CSNK1G2: variants seen among roughly 807,000 people sequenced by gnomAD.
The protein encoded by CSNK1G2 is casein kinase I isoform gamma-2.
Under a neutral mutation model 48.0 loss-of-function variants are expected in CSNK1G2, and 11 were observed. That is an observed-to-expected ratio of 0.23 (90% CI 0.14 to 0.38). The LOEUF (loss-of-function observed/expected upper bound fraction) is 0.38. CSNK1G2 is among the 10% of genes least tolerant of loss of function. The probability of loss-of-function intolerance (pLI) is 1.00; values close to 1 mark genes in which losing one functional copy is unlikely to be tolerated. For missense variants in CSNK1G2, 446 were observed against 595.5 expected, an observed-to-expected ratio of 0.75 and a Z score of 2.61; for synonymous variants, 337 against 254.1, an observed-to-expected ratio of 1.33 and a Z score of -3.10.
At chr19:1,975,618 A>T in intron 2 of CSNK1G2, 1 of 985,374 alleles carries the variant, frequency 1.0e-6, no homozygotes, top group Non-Finnish European at 1.2e-6. Flanking sequence ...TCCACTGTGA[A>T]TCCCACCTCC....
intron 1 of CSNK1G2, chr19:1,952,840 C>T (rs773773464): frequency 5.7e-6 from 2 of 350,962 alleles, no homozygotes; most frequent in East Asian, 1.2e-4. Flanking sequence ...TAGGCCGAAC[C>T]CTGCTGTGCC....
intron 2 of CSNK1G2, among the ~76,000 whole-genome samples, chr19:1,970,463 C>T (rs1040130378): frequency 6.6e-6 from 1 of 152,244 alleles, no homozygotes; most frequent in Non-Finnish European, 1.5e-5. Context: ...CACCTGGCTC[C>T]GTCCCTTCTG....
chr19:1,974,752 C>T (rs1450813009), intron 2 of CSNK1G2: 1 of 152,246 alleles, frequency 6.6e-6, no homozygotes, highest in Non-Finnish European at 1.5e-5. Context: ...GCCAGGGAGC[C>T]CTGTGCCAAG....
rs981426632 is a variant in CSNK1G2, at chr19:1,981,002, C to CCGCGTGGGG, written c.*808_*816dup. ...TCACCCTGCTCGGCCCTCAGCCCTG[C>CCGCGTGGGG]CGCGTGGGGCGCGTGGGCACGGAGC... On this transcript the variant is annotated 3_prime_UTR_variant, in exon 12 of 12. Coordinates refer to ENST00000255641, the MANE Select transcript of CSNK1G2 (RefSeq NM_001319.7). 5.9e-5 allele frequency: 9 copies of CCGCGTGGGG among 152,338 alleles called. No homozygotes were observed. The East Asian group carries it at 1.2e-3, about 20-fold the overall frequency. 9.4% of individuals were successfully genotyped at this position (152,338 alleles called of 1,614,324 possible). A position where few individuals can be genotyped will look rare whatever the true frequency, so the allele number is the denominator to read the frequency against.
chr19:1,947,496 C>T (rs1032502420), intron 1 of CSNK1G2, among the ~76,000 whole-genome samples: 15 of 152,358 alleles, frequency 9.8e-5, no homozygotes, highest in Non-Finnish European at 1.5e-4. Flanking sequence ...GGGCAGCTGG[C>T]GCTGATGCCC....
At chr19:1,942,853 CCT>C (rs1375992991) in intron 1 of CSNK1G2, among the ~76,000 whole-genome samples, 1 of 152,264 alleles carries the variant, frequency 6.6e-6, no homozygotes, top group South Asian at 2.1e-4. Context: ...TTTGTTTTCC[CCT>C]GTGTCTCCAC....
At chr19:1,941,456 C>CT in intron 1 of CSNK1G2, 38 bp downstream of exon 1, 1 of 148,232 alleles carries the variant, frequency 6.7e-6, no homozygotes, top group East Asian at 2.0e-4. Flanking sequence ...CCTTCGCCCC[C>CT]TGCACCCTGG....
intron 1 of CSNK1G2, among the ~76,000 whole-genome samples, chr19:1,945,127 T>TGCCCAGA (rs1317611538): frequency 6.6e-6 from 1 of 152,216 alleles, no homozygotes; most frequent in Non-Finnish European, 1.5e-5. Flanking sequence ...CTTCTCGCCC[T>TGCCCAGA]GCCCAGAGTC....
intron 1 of CSNK1G2, among the ~76,000 whole-genome samples, chr19:1,956,160 G>C (rs540977789): frequency 5.3e-4 from 81 of 152,322 alleles, no homozygotes; most frequent in African/African-American, 1.9e-3. Context: ...TCACCACCCA[G>C]ACGAGGGGCC....
intron 1 of CSNK1G2, among the ~76,000 whole-genome samples, chr19:1,942,027 G>C (rs1254532914): frequency 1.3e-5 from 2 of 152,046 alleles, no homozygotes; most frequent in Admixed American, 1.3e-4. Flanking sequence ...CTCACTTTGT[G>C]GTCCTAAAGC....
In CSNK1G2 at chr19:1,941,297, AAGCGGCACCGGAGCCGGAGCGCG is replaced by A. The variant is rs2014347952; in HGVS notation, c.-384_-362del. The A allele has an allele frequency of 1.8e-3, 1 of 550 alleles. No individual in the cohort carries two copies. Among genetic ancestry groups the A allele is most frequent in the South Asian group, 9.6e-3 (1 of 104 alleles). The allele number at this position is 550 out of a possible 1,614,324, so 0.0% of individuals were successfully genotyped here. On this transcript the variant is annotated 5_prime_UTR_variant, in exon 1 of 12. The change creates a premature stop within an existing upstream ORF in the 5' untranslated region. Coordinates refer to ENST00000255641, the MANE Select transcript of CSNK1G2 (RefSeq NM_001319.7). ...GGCGCGGGAGCCGGAGCGGGGGCCCAAGCGGCACCGGAGCCGGAGCGCGAGGGGGCGCGGGGCCCGGAGCGGGG... is the reference window on the plus strand; with the variant it reads ...GGCGCGGGAGCCGGAGCGGGGGCCCAAGGGGGCGCGGGGCCCGGAGCGGGG...
intron 1 of CSNK1G2, chr19:1,952,822 C>T (rs557976661): frequency 3.0e-5 from 10 of 331,552 alleles, no homozygotes; most frequent in Middle Eastern, 4.0e-4. Context: ...TAGGGCTCCC[C>T]GGGGAGTTAG....
chr19:1,976,509 C>G (rs1435328047), intron 2 of CSNK1G2, among the ~76,000 whole-genome samples: 3 of 152,248 alleles, frequency 2.0e-5, no homozygotes, highest in African/African-American at 7.2e-5. Context: ...CCCAGCGATT[C>G]CTGTGCTGCA....
At chr19:1,952,367 G>A (rs947986044) in intron 1 of CSNK1G2, among the ~76,000 whole-genome samples, 2 of 151,858 alleles carry the variant, frequency 1.3e-5, no homozygotes, top group African/African-American at 4.8e-5. Flanking sequence ...CTGTCGCTCA[G>A]GCTGGAGTGC....
At chr19:1,943,519 G>T (rs2014443592) in intron 1 of CSNK1G2, among the ~76,000 whole-genome samples, 1 of 152,138 alleles carries the variant, frequency 6.6e-6, no homozygotes, top group Non-Finnish European at 1.5e-5. Context: ...TTTTTTAATT[G>T]AAAGTTCCTG....
chr19:1,970,511 C>T (rs980665626), intron 2 of CSNK1G2, among the ~76,000 whole-genome samples: 7 of 152,214 alleles, frequency 4.6e-5, no homozygotes, highest in East Asian at 1.9e-4. Context: ...TCTGATTGCC[C>T]GGGCAGGCGT....
intron 2 of CSNK1G2, 69 bp downstream of exon 2, chr19:1,970,028 C>T (rs71337070): frequency 2.4e-6 from 3 of 1,247,792 alleles, no homozygotes; most frequent in South Asian, 7.2e-5. Flanking sequence ...TCACCGGAGC[C>T]TCTGGTGGGG....
chr19:1,944,154 G>A (rs748141218), intron 1 of CSNK1G2, among the ~76,000 whole-genome samples: 1 of 152,146 alleles, frequency 6.6e-6, no homozygotes, highest in African/African-American at 2.4e-5. Flanking sequence ...GTGGCCGTGC[G>A]CGTGTTGGGT....
chr19:1,961,658 G>T (rs867907736), intron 1 of CSNK1G2, among the ~76,000 whole-genome samples: 19 of 152,222 alleles, frequency 1.2e-4, no homozygotes, highest in Non-Finnish European at 2.5e-4. Flanking sequence ...GATGAGCTGC[G>T]GTGGGGGGTG....
Sources: allele counts gnomAD v4.1 joint callset (sites outside exome capture counted in the v4.1 genomes callset), GRCh38; gene constraint gnomAD v4.1.1; transcripts MANE v1.5; gene names NCBI Gene and HGNC (gene_info 2026-07-23, HGNC 2026-07-21).